LPP: variants seen among roughly 807,000 people sequenced by gnomAD.
LPP encodes the protein LIM domain containing preferred translocation partner in lipoma, also known as lipoma-preferred partner.
A neutral mutation model predicts 60.4 loss-of-function variants in LPP; 38 were observed. The observed-to-expected ratio is 0.63, with a 90% CI of 0.49 to 0.83. LPP has a LOEUF of 0.83. LPP is among the 40% of genes least tolerant of loss of function. The pLI, the probability that LPP is intolerant of heterozygous loss-of-function variation, is 0.00. For synonymous variants in LPP, 328 were observed against 290.8 expected (o/e 1.13, Z -1.30); for missense variants, 902 against 783.6 (o/e 1.15, Z -1.80).
chr3:188,807,149 G>C (rs1481186960), intron 9 of LPP, among the ~76,000 whole-genome samples: 1 of 151,768 alleles, frequency 6.6e-6, no homozygotes, highest in Non-Finnish European at 1.5e-5. Flanking sequence ...TCACTTTTAA[G>C]ATGTCACTTC....
intron 9 of LPP, among the ~76,000 whole-genome samples, chr3:188,827,112 A>G (rs755891492): frequency 6.6e-5 from 10 of 152,142 alleles, no homozygotes; most frequent in African/African-American, 2.4e-4. Context: ...AATGGAATGG[A>G]TTATTAGAGC....
chr3:188,691,216 G>A (rs960976937), intron 7 of LPP, among the ~76,000 whole-genome samples: 23 of 152,208 alleles, frequency 1.5e-4, no homozygotes, highest in South Asian at 6.2e-4. Context: ...CTAAAAGTTC[G>A]AAAGTAGAGA....
At chr3:188,200,271 C>T (rs1186165903) in intron 1 of LPP, among the ~76,000 whole-genome samples, 1 of 138,706 alleles carries the variant, frequency 7.2e-6, no homozygotes, top group Non-Finnish European at 1.5e-5. Flanking sequence ...TTTTCTGAGA[C>T]GGAGTTTCAC....
At chr3:188,843,495 T>C (rs978168921) in intron 9 of LPP, among the ~76,000 whole-genome samples, 2 of 152,016 alleles carry the variant, frequency 1.3e-5, no homozygotes, top group Non-Finnish European at 2.9e-5. Flanking sequence ...CCCTTAAAAA[T>C]CCCTCCTCTG....
rs571769618 is a variant in LPP at position 188,766,712 on chromosome 3, C to A, written c.1410+6430C>A. On this transcript the variant is annotated intron_variant, in intron 9 of 11. Transcript: ENST00000617246. Reference sequence around the variant, plus strand: ...TTACCTTTTTCCCATGATGGTAATTCTTTTTTAAAATCCTAAGTTTTTCAT... The same window carrying A: ...TTACCTTTTTCCCATGATGGTAATTATTTTTTAAAATCCTAAGTTTTTCAT... Among the ~76,000 whole-genome samples the A allele has an allele frequency of 2.6e-5, 4 of 152,238 alleles. No individual in the cohort carries two copies. The South Asian group carries it at 8.3e-4, about 32-fold the overall frequency.
chr3:188,160,829 T>C (rs1276823682), intron 1 of LPP, among the ~76,000 whole-genome samples: 2 of 152,222 alleles, frequency 1.3e-5, no homozygotes, highest in East Asian at 1.9e-4. Context: ...AAAGAGAAGA[T>C]GCTAAGGCTC....
chr3:188,486,392 A>C (rs1002322707), intron 5 of LPP, among the ~76,000 whole-genome samples: 3 of 152,216 alleles, frequency 2.0e-5, no homozygotes, highest in African/African-American at 7.2e-5. Context: ...TAGTGGGACT[A>C]GTGGAAATAA....
At chr3:188,533,278 T>C (rs1250959141) in intron 6 of LPP, among the ~76,000 whole-genome samples, 4 of 152,156 alleles carry the variant, frequency 2.6e-5, no homozygotes, top group East Asian at 1.9e-4. Flanking sequence ...TGTTTAATGC[T>C]TCATATTATT....
chr3:188,531,116 G>A (rs1460867137), intron 6 of LPP, among the ~76,000 whole-genome samples: 1 of 152,080 alleles, frequency 6.6e-6, no homozygotes, highest in Non-Finnish European at 1.5e-5. Flanking sequence ...ACTGTCTTAC[G>A]TTAATATTTC....
At chr3:188,866,745 C>T (rs1049857321) in intron 10 of LPP, among the ~76,000 whole-genome samples, 1 of 152,188 alleles carries the variant, frequency 6.6e-6, no homozygotes, top group African/African-American at 2.4e-5. Flanking sequence ...TTGAGCTCTT[C>T]AGTTTGGTCT....
chr3:188,806,371 A>G (rs1437412903), intron 9 of LPP, among the ~76,000 whole-genome samples: 1 of 151,872 alleles, frequency 6.6e-6, no homozygotes, highest in Non-Finnish European at 1.5e-5. Flanking sequence ...AATTTTAGAT[A>G]ATATTAATTT....
At chr3:188,543,789 A>T (rs1825829242) in intron 6 of LPP, among the ~76,000 whole-genome samples, 1 of 152,314 alleles carries the variant, frequency 6.6e-6, no homozygotes, top group Non-Finnish European at 1.5e-5. Context: ...AGTGACTAGG[A>T]TTAGCCCACA....
At chr3:188,423,924 T>TA (rs1560385627) in intron 4 of LPP, among the ~76,000 whole-genome samples, 1 of 152,064 alleles carries the variant, frequency 6.6e-6, no homozygotes, top group African/African-American at 2.4e-5. Context: ...CTCTGATAGA[T>TA]AGTTTTTTTT....
In LPP at chr3:188,740,646, A is replaced by G. The variant is rs182428126; in HGVS notation, c.1241-19467A>G. The stretch of plus-strand genomic sequence containing the variant: ...AGCCTGAACTCATAGGGTAAGGACC[A>G]TTTAGAAGTCTTTTGTCTTCAGCTT... On this transcript the variant is annotated intron_variant, in intron 8 of 11. Transcript: ENST00000617246. 1.4e-4 allele frequency among the ~76,000 whole-genome samples: 21 copies of G among 152,082 alleles called. No homozygotes were observed. The East Asian group carries it at 3.7e-3, about 27-fold the overall frequency.
chr3:188,516,990 C>T lies in LPP; in HGVS notation c.307-7675C>T, dbSNP rs1050102678. On this transcript the variant is annotated intron_variant, in intron 5 of 11. Transcript: ENST00000617246. ...GAAGCCTCTCAGTAACTTAGTTTTA[C>T]TTTTGATCAAAGTACTTTATAAAGT... 2.0e-5 allele frequency among the ~76,000 whole-genome samples: 3 copies of T among 152,164 alleles called. No homozygotes were observed. In the East Asian group the frequency reaches 5.8e-4, roughly 29 times the overall value.
chr3:188,193,142 T>TA (rs1255677482), intron 1 of LPP, among the ~76,000 whole-genome samples: 2 of 152,166 alleles, frequency 1.3e-5, no homozygotes, highest in Non-Finnish European at 2.9e-5. Flanking sequence ...TAACTTGACT[T>TA]TAGGGAGAGA....
At chr3:188,673,891 TG>T (rs1281220493) in intron 7 of LPP, among the ~76,000 whole-genome samples, 7 of 29,560 alleles carry the variant, frequency 2.4e-4, no homozygotes, top group Admixed American at 6.1e-4. Flanking sequence ...TTTTCTTTTT[TG>T]TTTTTTTTTT....
At chr3:188,184,114 T>A (rs1436847849) in intron 1 of LPP, among the ~76,000 whole-genome samples, 2 of 152,146 alleles carry the variant, frequency 1.3e-5, no homozygotes, top group Non-Finnish European at 2.9e-5. Flanking sequence ...GGATTCTAAT[T>A]CATCGGGGCT....
At chr3:188,552,512 T>C (rs895695907) in intron 6 of LPP, among the ~76,000 whole-genome samples, 1 of 152,162 alleles carries the variant, frequency 6.6e-6, no homozygotes, top group African/African-American at 2.4e-5. Context: ...ATTTCTTATC[T>C]TACAGTGCTG....
Sources: allele counts gnomAD v4.1 joint callset (sites outside exome capture counted in the v4.1 genomes callset), GRCh38; gene constraint gnomAD v4.1.1; transcripts MANE v1.5; gene names NCBI Gene and HGNC (gene_info 2026-07-23, HGNC 2026-07-21).